PIP4K2A: variants seen among roughly 807,000 people sequenced by gnomAD.
PIP4K2A encodes the protein phosphatidylinositol 5-phosphate 4-kinase type-2 alpha.
In PIP4K2A, 14 loss-of-function variants were observed where a neutral mutation model predicts 42.9. The ratio of observed to expected loss-of-function variants is 0.33; its 90% CI spans 0.22 to 0.51. PIP4K2A has a LOEUF of 0.51. Ranked by LOEUF, PIP4K2A falls within the 20% of genes least tolerant of loss-of-function variation. PIP4K2A has a pLI of 0.97. For missense variants in PIP4K2A, 434 were observed against 519.8 expected (o/e 0.83, Z 1.61); for synonymous variants, 192 against 192.2 (o/e 1.00, Z 0.01).
Position 22,536,744 on chromosome 10 carries a change from CCA to C in PIP4K2A, c.*455_*456del, listed in dbSNP as rs1360313321. ...AAAAAAAAAAAAAAAAAAAACTGATCCACAGTTTGTTGTGTGATGCCAACACG... is the reference window on the plus strand; with the variant it reads ...AAAAAAAAAAAAAAAAAAAACTGATCCAGTTTGTTGTGTGATGCCAACACG... On this transcript the variant is annotated 3_prime_UTR_variant, in exon 10 of 10. Transcript: ENST00000376573. 7 of 93,744 alleles carry C rather than the reference CCA, an allele frequency of 7.5e-5. No homozygotes were observed. The highest frequency in any genetic ancestry group is 2.3e-4 in the Admixed American group (2 of 8,676). The allele number at this position is 93,744 out of a possible 1,614,324, so 5.8% of individuals were successfully genotyped here. A position where few individuals can be genotyped will look rare whatever the true frequency, so the allele number is the denominator to read the frequency against.
chr10:22,703,450 G>A (rs1016007702), intron 1 of PIP4K2A, among the ~76,000 whole-genome samples: 3 of 151,998 alleles, frequency 2.0e-5, no homozygotes, highest in East Asian at 3.9e-4. Context: ...AAACATTCCC[G>A]ACGAAGAGAA....
chr10:22,643,449 G>T (rs1032199394), intron 1 of PIP4K2A, among the ~76,000 whole-genome samples: 1 of 151,986 alleles, frequency 6.6e-6, no homozygotes, highest in South Asian at 2.1e-4. Flanking sequence ...ATCTGTCTTA[G>T]GAAGGCAGAT....
intron 7 of PIP4K2A, among the ~76,000 whole-genome samples, chr10:22,549,919 T>A (rs1564416063): frequency 1.8e-3 from 273 of 148,660 alleles, no homozygotes; most frequent in Admixed American, 0.014. Flanking sequence ...CCTGGATTTA[T>A]AAAAGACTTA....
intron 1 of PIP4K2A, among the ~76,000 whole-genome samples, chr10:22,658,799 A>G (rs1476474971): frequency 6.6e-6 from 1 of 152,242 alleles, no homozygotes; most frequent in Non-Finnish European, 1.5e-5. Context: ...CCATTGGTGG[A>G]TATGAATTTT....
At chr10:22,562,996 G>A (rs1421309804) in intron 6 of PIP4K2A, among the ~76,000 whole-genome samples, 1 of 152,152 alleles carries the variant, frequency 6.6e-6, no homozygotes, top group African/African-American at 2.4e-5. Flanking sequence ...GTGAGGAGGA[G>A]AAAAGGAAAT....
At position 22,712,913 on chromosome 10, in the gene PIP4K2A, G is replaced by GGGGTGT. The variant is rs775265774; in HGVS notation, c.144+1269_144+1270insACACCC. Among the ~76,000 whole-genome samples the GGGGTGT allele has an allele frequency of 9.1e-3, 1,346 of 147,586 alleles. 27 individuals carry two copies. The highest frequency in any genetic ancestry group is 0.031 in the African/African-American group (1,246 of 40,090). On this transcript the variant is annotated intron_variant, in intron 1 of 9. Transcript: ENST00000376573. ...TTTTAAACAACTTCACTACATTGAGGGTGTGTGTGTGTGTGTGTGTGTGTG... is the reference window on the plus strand; with the variant it reads ...TTTTAAACAACTTCACTACATTGAGGGGGTGTGTGTGTGTGTGTGTGTGTGTGTGTG...
chr10:22,621,968 C>T lies in PIP4K2A; in HGVS notation c.145-12251G>A, dbSNP rs534272003. 4.1e-4 allele frequency among the ~76,000 whole-genome samples: 62 copies of T among 152,280 alleles called. 1 individual carries two copies. The highest frequency in any genetic ancestry group is 1.5e-3 in the African/African-American group (62 of 41,542). ...AATGAGAGGAAGGGTACCATGCTGC[C>T]ATTTACACTGCTTTCCCGGATTCCC... On this transcript the variant is annotated intron_variant, in intron 1 of 9. Coordinates refer to ENST00000376573, the MANE Select transcript of PIP4K2A (RefSeq NM_005028.5).
At chr10:22,647,152 A>C (rs1716881096) in intron 1 of PIP4K2A, among the ~76,000 whole-genome samples, 3 of 152,170 alleles carry the variant, frequency 2.0e-5, no homozygotes, top group Admixed American at 2.0e-4. Flanking sequence ...AAGGCTTCGT[A>C]ACTACTATTA....
intron 3 of PIP4K2A, among the ~76,000 whole-genome samples, chr10:22,598,997 G>T: frequency 6.6e-6 from 1 of 151,312 alleles, no homozygotes. Flanking sequence ...TAAAAATACT[G>T]ATACCATAAC....
intron 1 of PIP4K2A, among the ~76,000 whole-genome samples, chr10:22,667,865 C>G (rs1371242010): frequency 4.5e-5 from 6 of 132,636 alleles, no homozygotes; most frequent in East Asian, 4.6e-4. Context: ...CAGTGAACTT[C>G]TGTGTGTGTG....
chr10:22,654,567 A>C (rs1228839357), intron 1 of PIP4K2A, among the ~76,000 whole-genome samples: 2 of 152,202 alleles, frequency 1.3e-5, no homozygotes. Context: ...GTGCTAGTGA[A>C]GCTGTCGCTG....
chr10:22,555,028 T>C (rs7091618), intron 6 of PIP4K2A, among the ~76,000 whole-genome samples: 136 of 152,320 alleles, frequency 8.9e-4, no homozygotes, highest in African/African-American at 2.7e-3. Flanking sequence ...GACGTGTAAA[T>C]GCACAAACAC....
At chr10:22,714,122 G>A in intron 1 of PIP4K2A, 61 bp downstream of exon 1, 1 of 1,503,340 alleles carries the variant, frequency 6.7e-7, no homozygotes. Context: ...CGGAGGAGGA[G>A]GGGAACGAGG....
At chr10:22,563,743 G>A (rs899292014) in intron 6 of PIP4K2A, among the ~76,000 whole-genome samples, 1 of 152,134 alleles carries the variant, frequency 6.6e-6, no homozygotes, top group Non-Finnish European at 1.5e-5. Context: ...GTAGGACCCT[G>A]GATGAAGTTA....
At chr10:22,559,123 A>C (rs1273839985) in intron 6 of PIP4K2A, among the ~76,000 whole-genome samples, 1 of 152,188 alleles carries the variant, frequency 6.6e-6, no homozygotes, top group East Asian at 1.9e-4. Flanking sequence ...ATAATCTAAG[A>C]AATGTCAAAG....
In PIP4K2A at chr10:22,611,679, A is replaced by G. The variant is rs549585701; in HGVS notation, c.145-1962T>C. Among the ~76,000 whole-genome samples the G allele has an allele frequency of 6.6e-5, 10 of 152,382 alleles. No individual in the cohort carries two copies. In the South Asian group the frequency reaches 2.1e-3, roughly 32 times the overall value. On this transcript the variant is annotated intron_variant, in intron 1 of 9. Transcript: ENST00000376573. Reference sequence around the variant, plus strand: ...TTTACTCAAGCATCTTATGATACTAAGTCATTCCCAGAGTATATCTATGAA... The same window carrying G: ...TTTACTCAAGCATCTTATGATACTAGGTCATTCCCAGAGTATATCTATGAA...
At chr10:22,606,610 A>G (rs996486480) in intron 3 of PIP4K2A, among the ~76,000 whole-genome samples, 5 of 152,248 alleles carry the variant, frequency 3.3e-5, no homozygotes, top group Non-Finnish European at 4.4e-5. Context: ...CAGTGGGAGC[A>G]CAGATCTTTA....
rs1194698074 is a variant in PIP4K2A at position 22,663,995 on chromosome 10, G to A, written c.144+50188C>T. Among the ~76,000 whole-genome samples the A allele has an allele frequency of 3.6e-5, 5 of 140,136 alleles. No homozygotes were observed. In the East Asian group the frequency reaches 8.2e-4, roughly 23 times the overall value. 91.9% of individuals were successfully genotyped at this position (140,136 alleles called of 152,430 possible). A position where few individuals can be genotyped will look rare whatever the true frequency, so the allele number is the denominator to read the frequency against. ...GAAGAATTACTAGGGTCAGGGGTAT[G>A]CCCACTTAAGGCTCTCTCTCTCTCT... On this transcript the variant is annotated intron_variant, in intron 1 of 9. Coordinates refer to ENST00000376573, the MANE Select transcript of PIP4K2A (RefSeq NM_005028.5).
At chr10:22,543,213 A>G (rs1041597316) in intron 7 of PIP4K2A, among the ~76,000 whole-genome samples, 13 of 152,148 alleles carry the variant, frequency 8.5e-5, no homozygotes, top group Admixed American at 5.9e-4. Context: ...ACAGACGAGG[A>G]GAGGACCCCT....
Sources: allele counts gnomAD v4.1 joint callset (sites outside exome capture counted in the v4.1 genomes callset), GRCh38; gene constraint gnomAD v4.1.1; transcripts MANE v1.5; gene names NCBI Gene and HGNC (gene_info 2026-07-23, HGNC 2026-07-21).